The following ADAMTS2 variants were observed in gnomAD, a reference collection of about 807,000 sequenced individuals.
ADAMTS2 encodes the protein A disintegrin and metalloproteinase with thrombospondin motifs 2.
ADAMTS2 carries 50 observed loss-of-function variants against 123.0 expected under a neutral mutation model. The ratio of observed to expected loss-of-function variants is 0.41; its 90% CI spans 0.32 to 0.51. The LOEUF (loss-of-function observed/expected upper bound fraction) is 0.51, where lower values mean the gene tolerates loss of function less well. Among genes scored for constraint, ADAMTS2 ranks in the 20% least tolerant of loss-of-function variants. The pLI, the probability that ADAMTS2 is intolerant of heterozygous loss-of-function variation, is 0.35. For missense variants in ADAMTS2, 1,494 were observed against 1,705.2 expected (o/e 0.88, Z 2.18); for synonymous variants, 678 against 695.4 (o/e 0.98, Z 0.39).
intron 2 of ADAMTS2, among the ~76,000 whole-genome samples, chr5:179,336,650 C>T (rs533669787): frequency 4.6e-5 from 7 of 152,318 alleles, no homozygotes; most frequent in Non-Finnish European, 8.8e-5. Flanking sequence ...ACACGGCCAC[C>T]GCTTTCTCAC....
intron 1 of ADAMTS2, among the ~76,000 whole-genome samples, chr5:179,344,654 G>A (rs901664505): frequency 1.3e-5 from 2 of 152,226 alleles, no homozygotes; most frequent in Non-Finnish European, 2.9e-5. Context: ...GCTTCCCCGA[G>A]CACGAGCGGC....
At position 179,259,188 on chromosome 5, in the gene ADAMTS2, G is replaced by C. The variant is rs73333224; in HGVS notation, c.688+13723C>G. Reference sequence around the variant, plus strand: ...CCTGCCACACCCCCAAACAAGCCCCGTCCTCACCCCTCAGGTACTTCGCAT... The same window carrying C: ...CCTGCCACACCCCCAAACAAGCCCCCTCCTCACCCCTCAGGTACTTCGCAT... On this transcript the variant is annotated intron_variant, in intron 3 of 21. Transcript: ENST00000251582. 7.8e-3 allele frequency among the ~76,000 whole-genome samples: 1,180 copies of C among 151,792 alleles called. 14 individuals are homozygous for C. The highest frequency in any genetic ancestry group is 0.027 in the African/African-American group (1,124 of 41,356).
In ADAMTS2 at chr5:179,207,539, T is replaced by C; in HGVS notation, c.865A>G (p.Lys289Glu). Reference sequence around the variant, plus strand: ...ATGTTCATGAGTGTCAGCAGGTACTTCTGTACGTGCTCCTTCCCGTGGAAC... The same window carrying C: ...ATGTTCATGAGTGTCAGCAGGTACTCCTGTACGTGCTCCTTCCCGTGGAAC... ...VQFHGKEHVQ[K>E]YLLTLMNIVN... The change falls in exon 4 of 22, where the codon AAG (lysine) becomes GAG (glutamate). Residue 289 changes from lysine to glutamate, a missense_variant. Physicochemically the swap from Lys to Glu is moderately conservative, Grantham distance 56. Coordinates refer to ENST00000251582, the MANE Select transcript of ADAMTS2 (RefSeq NM_014244.5). 1 of 1,557,148 alleles carries C rather than the reference T, an allele frequency of 6.4e-7. No individual in the cohort carries two copies. Among genetic ancestry groups the C allele is most frequent in the South Asian group, 1.1e-5 (1 of 90,266 alleles).
chr5:179,200,463 C>G lies in ADAMTS2; in HGVS notation c.891+7050G>C, dbSNP rs182076144. ...GAGGTTTTGTCATGTTGGCCAGGCTCGTCTCGAACTCTTGACCTCAAGTGA... is the reference window on the plus strand; with the variant it reads ...GAGGTTTTGTCATGTTGGCCAGGCTGGTCTCGAACTCTTGACCTCAAGTGA... On this transcript the variant is annotated intron_variant, in intron 4 of 21. Transcript: ENST00000251582. Among the ~76,000 whole-genome samples the G allele has an allele frequency of 2.2e-3, 336 of 152,080 alleles. 1 individual carries two copies. The highest frequency in any genetic ancestry group is 2.7e-3 in the South Asian group (13 of 4,820).
At chr5:179,126,269 C>T (rs1762856766) in intron 17 of ADAMTS2, 139 bp from the exon 18 acceptor site, 2 of 1,280,278 alleles carry the variant, frequency 1.6e-6, no homozygotes, top group East Asian at 2.4e-5. Flanking sequence ...GGCAGGGCAC[C>T]GAGCCTGCGG....
At chr5:179,203,454 G>A (rs1487884253) in intron 4 of ADAMTS2, among the ~76,000 whole-genome samples, 4 of 152,234 alleles carry the variant, frequency 2.6e-5, no homozygotes, top group Non-Finnish European at 5.9e-5. Context: ...GGGGAGCCCT[G>A]TGACCAGCTG....
intron 3 of ADAMTS2, among the ~76,000 whole-genome samples, chr5:179,266,040 G>A (rs1766361117): frequency 6.6e-6 from 1 of 152,184 alleles, no homozygotes; most frequent in Admixed American, 6.5e-5. Flanking sequence ...CCACGCCAGA[G>A]GCCCTGGCCT....
intron 15 of ADAMTS2, among the ~76,000 whole-genome samples, chr5:179,131,676 T>C (rs1762965473): frequency 6.6e-6 from 1 of 152,104 alleles, no homozygotes; most frequent in South Asian, 2.1e-4. Context: ...GGGCGTGGTC[T>C]CCCAGGCAGC....
intron 2 of ADAMTS2, among the ~76,000 whole-genome samples, chr5:179,299,401 C>T (rs547104006): frequency 6.2e-5 from 4 of 64,894 alleles, no homozygotes; most frequent in Admixed American, 2.0e-4. Flanking sequence ...TGGTGGCGGG[C>T]GCCTGTAGTC....
intron 4 of ADAMTS2, among the ~76,000 whole-genome samples, chr5:179,183,948 C>T (rs766728901): frequency 2.0e-5 from 3 of 152,188 alleles, no homozygotes; most frequent in Non-Finnish European, 4.4e-5. Flanking sequence ...AGCAAGAAGG[C>T]GGCTGTCTGC....
At chr5:179,325,760 G>A (rs183864483) in intron 2 of ADAMTS2, among the ~76,000 whole-genome samples, 173 of 152,378 alleles carry the variant, frequency 1.1e-3, no homozygotes, top group African/African-American at 4.1e-3. Flanking sequence ...CTGGGCTGCC[G>A]CCCTGAGCCC....
At chr5:179,137,734 C>T in intron 12 of ADAMTS2, 35 bp downstream of exon 12, 1 of 1,336,764 alleles carries the variant, frequency 7.5e-7, no homozygotes, top group Non-Finnish European at 1.0e-6. Flanking sequence ...GGCCTGCCTG[C>T]TGAGCCCCCA....
rs113786177 is a variant in ADAMTS2 at position 179,162,217 on chromosome 5, T to C, written c.976-3338A>G. Among the ~76,000 whole-genome samples the C allele has an allele frequency of 2.6e-3, 394 of 152,278 alleles. 3 individuals carry two copies. Among genetic ancestry groups the C allele is most frequent in the African/African-American group, 8.9e-3 (372 of 41,570 alleles). On this transcript the variant is annotated intron_variant, in intron 5 of 21. Transcript: ENST00000251582. This position sits in a 1 kb window ranked among gnomAD's most constrained non-coding sequence, Gnocchi z 5.1. ...TGCCCTTGTTTCCCTTTCGTGAAAC[T>C]TCCCCTCCTTTAATCTGAGTCAGAC...
chr5:179,296,805 A>G (rs1235940335), intron 2 of ADAMTS2, among the ~76,000 whole-genome samples: 3 of 152,108 alleles, frequency 2.0e-5, no homozygotes, highest in Non-Finnish European at 4.4e-5. Flanking sequence ...GCAAAGGTGC[A>G]GGCCGAAAAA....
At chr5:179,321,264 G>C (rs1757163687) in intron 2 of ADAMTS2, among the ~76,000 whole-genome samples, 1 of 152,062 alleles carries the variant, frequency 6.6e-6, no homozygotes, top group Non-Finnish European at 1.5e-5. Context: ...ATCTACACAA[G>C]CGCACACGTA....
intron 10 of ADAMTS2, among the ~76,000 whole-genome samples, chr5:179,144,825 A>C (rs766028973): frequency 9.6e-4 from 146 of 152,376 alleles, no homozygotes; most frequent in Admixed American, 1.8e-3. Flanking sequence ...GACCTAAGTA[A>C]TGGTTTCTCA....
chr5:179,213,684 T>C (rs1313849168), intron 3 of ADAMTS2, among the ~76,000 whole-genome samples: 1 of 152,196 alleles, frequency 6.6e-6, no homozygotes, highest in East Asian at 1.9e-4. Flanking sequence ...AGCTACAAAT[T>C]ACTTGCATAT....
rs1561611670 is a variant in ADAMTS2 at position 179,234,113 on chromosome 5, T to A, written c.689-26398A>T. The stretch of plus-strand genomic sequence containing the variant: ...GGTTTCCTAATGTCCTCCCAGTAAC[T>A]CTTCCTGGCTCAGGGCAGCTGGACT... On this transcript the variant is annotated intron_variant, in intron 3 of 21. Coordinates refer to ENST00000251582, the MANE Select transcript of ADAMTS2 (RefSeq NM_014244.5). This position sits in a 1 kb window ranked among gnomAD's most constrained non-coding sequence, Gnocchi z 4.7. 6.6e-6 allele frequency among the ~76,000 whole-genome samples: 1 copy of A among 152,010 alleles called. No individual in the cohort carries two copies. The highest frequency in any genetic ancestry group is 1.5e-5 in the Non-Finnish European group (1 of 67,974).
intron 13 of ADAMTS2, among the ~76,000 whole-genome samples, chr5:179,134,845 TCCCGG>T (rs1763029629): frequency 2.1e-5 from 1 of 47,580 alleles, no homozygotes; most frequent in African/African-American, 9.9e-5. Context: ...AGCCCCCAGC[TCCCGG>T]CTCCAGCTCC....
Sources: gnomAD v4.1 joint callset for allele counts (sites outside exome capture counted in the v4.1 genomes callset) on GRCh38, gnomAD v4.1.1 for gene constraint, Gnocchi (gnomAD v3.1) non-coding constraint, MANE v1.5 for transcripts, NCBI Gene and HGNC (gene_info 2026-07-23, HGNC 2026-07-21) for gene names.